The following EFNA5 variants were observed in gnomAD, a reference collection of about 807,000 sequenced individuals.
The protein encoded by EFNA5 is ephrin A5.
A neutral mutation model predicts 22.9 loss-of-function variants in EFNA5; 5 were observed. The observed-to-expected ratio is 0.22, with a 90% CI of 0.11 to 0.46. The LOEUF is 0.46. EFNA5 is among the 20% of genes least tolerant of loss of function. EFNA5 has a pLI of 0.99. For synonymous variants in EFNA5, 113 were observed against 112.2 expected, an observed-to-expected ratio of 1.01 and a Z score of -0.04; for missense variants, 237 against 293.3, an observed-to-expected ratio of 0.81 and a Z score of 1.40.
At chr5:107,551,687 A>G (rs1748301031) in intron 1 of EFNA5, among the ~76,000 whole-genome samples, 1 of 152,182 alleles carries the variant, frequency 6.6e-6, no homozygotes. Context: ...TAGGAAACAA[A>G]TGATCAAAGT....
chr5:107,578,542 C>T (rs1017466161), intron 1 of EFNA5, among the ~76,000 whole-genome samples: 9 of 152,092 alleles, frequency 5.9e-5, no homozygotes, highest in Non-Finnish European at 1.3e-4. Flanking sequence ...CAGTTTGAAT[C>T]TGAGTGTTCT....
chr5:107,626,259 T>C (rs1399835366), intron 1 of EFNA5, among the ~76,000 whole-genome samples: 1 of 152,100 alleles, frequency 6.6e-6, no homozygotes, highest in African/African-American at 2.4e-5. Flanking sequence ...TAGTACACAG[T>C]ATGTCTTCTT....
chr5:107,667,165 AG>A (rs1236782349), intron 1 of EFNA5, among the ~76,000 whole-genome samples: 4 of 152,110 alleles, frequency 2.6e-5, no homozygotes, highest in African/African-American at 9.6e-5. Context: ...AGATCTATTT[AG>A]GCAAATGTTA....
chr5:107,415,825 G>A (rs550846313), intron 2 of EFNA5, among the ~76,000 whole-genome samples: 3 of 152,290 alleles, frequency 2.0e-5, no homozygotes, highest in African/African-American at 7.2e-5. Flanking sequence ...ATTACAATAA[G>A]TGAAACAATA....
intron 1 of EFNA5, among the ~76,000 whole-genome samples, chr5:107,637,048 G>C (rs1169791458): frequency 6.6e-6 from 1 of 152,126 alleles, no homozygotes; most frequent in Non-Finnish European, 1.5e-5. Context: ...GGCCAGTAAT[G>C]ACCATGACAA....
intron 1 of EFNA5, chr5:107,506,212 T>A (rs1264510431): frequency 6.6e-6 from 1 of 152,248 alleles, no homozygotes; most frequent in Non-Finnish European, 1.5e-5. Flanking sequence ...AGATATCTTG[T>A]ACATATTCCA....
intron 1 of EFNA5, among the ~76,000 whole-genome samples, chr5:107,643,500 C>T (rs369305845): frequency 9.9e-5 from 15 of 152,142 alleles, no homozygotes; most frequent in African/African-American, 3.6e-4. Context: ...GCTCTCCAGA[C>T]ACAACCATCT....
rs114478282 is a variant in EFNA5 at position 107,665,529 on chromosome 5, G to C, written c.125+4960C>G. Among the ~76,000 whole-genome samples the C allele has an allele frequency of 9.0e-3, 1,372 of 152,290 alleles. 9 individuals carry two copies. Among genetic ancestry groups the C allele is most frequent in the Middle Eastern group, 0.027 (8 of 294 alleles). On this transcript the variant is annotated intron_variant, in intron 1 of 4. Coordinates refer to ENST00000333274, the MANE Select transcript of EFNA5 (RefSeq NM_001962.3). The stretch of plus-strand genomic sequence containing the variant: ...ATTACCACTAAAATCACCTAACAGA[G>C]AGTAATAAACTACTGAAGACTCTGA...
chr5:107,411,671 T>C (rs1163956462), intron 2 of EFNA5, among the ~76,000 whole-genome samples: 2 of 152,190 alleles, frequency 1.3e-5, no homozygotes, highest in African/African-American at 4.8e-5. Context: ...TGACACAGGG[T>C]CTCACTTGGT....
At chr5:107,392,288 A>G (rs1169579860) in intron 2 of EFNA5, among the ~76,000 whole-genome samples, 1 of 152,186 alleles carries the variant, frequency 6.6e-6, no homozygotes, top group Non-Finnish European at 1.5e-5. Context: ...GAACATGGCA[A>G]AAGTGATGGG....
intron 1 of EFNA5, among the ~76,000 whole-genome samples, chr5:107,445,794 C>G (rs1468047290): frequency 6.6e-6 from 1 of 152,192 alleles, no homozygotes; most frequent in Admixed American, 6.5e-5. Flanking sequence ...GAAAATTTCA[C>G]CTCTAATCCT....
chr5:107,668,460 A>G (rs1241018529), intron 1 of EFNA5, among the ~76,000 whole-genome samples: 1 of 152,168 alleles, frequency 6.6e-6, no homozygotes, highest in Non-Finnish European at 1.5e-5. Flanking sequence ...CCTCAAACTA[A>G]CTCAGACTAG....
chr5:107,406,132 TATACAA>T (rs1748211523), intron 2 of EFNA5, among the ~76,000 whole-genome samples: 1 of 145,436 alleles, frequency 6.9e-6, no homozygotes, highest in African/African-American at 2.5e-5. Context: ...ACATAGAATG[TATACAA>T]ATACATGTAT....
rs998707240 is a variant in EFNA5, at chr5:107,616,004, T to C, written c.125+54485A>G. On this transcript the variant is annotated intron_variant, in intron 1 of 4. Coordinates refer to ENST00000333274, the MANE Select transcript of EFNA5 (RefSeq NM_001962.3). The stretch of plus-strand genomic sequence containing the variant: ...CTTCAAATTATATTTCATTTCAAGA[T>C]CTGGTATTATATTTTAAGCAGGGGG... Among the ~76,000 whole-genome samples the C allele has an allele frequency of 2.6e-5, 4 of 152,316 alleles. No homozygotes were observed. In the East Asian group the frequency reaches 5.8e-4, roughly 22 times the overall value.
At chr5:107,435,091 G>C (rs760682805) in intron 1 of EFNA5, among the ~76,000 whole-genome samples, 1 of 152,198 alleles carries the variant, frequency 6.6e-6, no homozygotes, top group Non-Finnish European at 1.5e-5. Flanking sequence ...GCTAATTTCA[G>C]AACAAGATGT....
chr5:107,622,334 TC>T (rs1425418458), intron 1 of EFNA5, among the ~76,000 whole-genome samples: 3 of 152,114 alleles, frequency 2.0e-5, no homozygotes, highest in Non-Finnish European at 4.4e-5. Flanking sequence ...TTTAATAAAA[TC>T]CCCATGTCTC....
At chr5:107,587,792 CA>C (rs1472322901) in intron 1 of EFNA5, among the ~76,000 whole-genome samples, 2 of 152,216 alleles carry the variant, frequency 1.3e-5, no homozygotes, top group African/African-American at 4.8e-5. Context: ...GCTGGGATTA[CA>C]GGCGTAAGCC....
chr5:107,442,871 T>C (rs900579496), intron 1 of EFNA5, among the ~76,000 whole-genome samples: 1 of 149,516 alleles, frequency 6.7e-6, no homozygotes, highest in African/African-American at 2.5e-5. Context: ...CAGATGGTAT[T>C]TCCCCCCAAG....
intron 1 of EFNA5, among the ~76,000 whole-genome samples, chr5:107,467,260 G>T (rs753388057): frequency 2.6e-5 from 4 of 152,028 alleles, no homozygotes; most frequent in Non-Finnish European, 5.9e-5. Flanking sequence ...GTGATATGTG[G>T]ATATGGCATT....
Sources: allele counts gnomAD v4.1 joint callset (sites outside exome capture counted in the v4.1 genomes callset), GRCh38; gene constraint gnomAD v4.1.1; transcripts MANE v1.5; gene names NCBI Gene and HGNC (gene_info 2026-07-23, HGNC 2026-07-21).